Variants in EML4 observed in about 807,000 individuals in gnomAD.
EML4 encodes EMAP like 4.
Under a neutral mutation model 129.0 loss-of-function variants are expected in EML4, and 72 were observed. That is an observed-to-expected ratio of 0.56 (90% CI 0.46 to 0.68). The LOEUF is 0.68. Ranked by LOEUF, EML4 falls within the 30% of genes least tolerant of loss-of-function variation. EML4 has a pLI of 0.00. For missense variants in EML4, 1,363 were observed against 1,190.6 expected (o/e 1.14, Z -2.13); for synonymous variants, 532 against 405.0 (o/e 1.31, Z -3.77).
chr2:42,191,130 C>G (rs1407907483), intron 1 of EML4, among the ~76,000 whole-genome samples: 1 of 151,844 alleles, frequency 6.6e-6, no homozygotes, highest in Non-Finnish European at 1.5e-5. Context: ...AATAGTAAGC[C>G]CTGATAAACT....
chr2:42,275,879 C>T (rs1368577404), intron 6 of EML4, among the ~76,000 whole-genome samples: 5 of 152,076 alleles, frequency 3.3e-5, no homozygotes, highest in Non-Finnish European at 7.4e-5. Context: ...CTTTTCTGGA[C>T]CACCAGACTT....
Position 42,282,809 on chromosome 2 carries a change from C to CT in EML4, c.792-9dup. On this transcript the variant is annotated splice_polypyrimidine_tract_variant and intron_variant, in intron 7 of 22. Coordinates refer to ENST00000318522, the MANE Select transcript of EML4 (RefSeq NM_019063.5). Reference sequence around the variant, plus strand: ...ACTGTGTTTATTTAAAACCTTGACTCTTTTTCTGTTAAGATATGGTTATCG... The same window carrying CT: ...ACTGTGTTTATTTAAAACCTTGACTCTTTTTTCTGTTAAGATATGGTTATCG... The CT allele has an allele frequency of 6.2e-7, 1 of 1,606,910 alleles. No individual in the cohort carries two copies. Among genetic ancestry groups the CT allele is most frequent in the Non-Finnish European group, 8.5e-7 (1 of 1,177,056 alleles).
rs577473649 is a variant in EML4 at position 42,291,672 on chromosome 2, C to T, written c.1218+3350C>T. Among the ~76,000 whole-genome samples, 7 of 152,222 alleles carry T rather than the reference C, an allele frequency of 4.6e-5. 1 individual carries two copies. The highest frequency in any genetic ancestry group is 1.7e-4 in the African/African-American group (7 of 41,534). On this transcript the variant is annotated intron_variant, in intron 11 of 22. Coordinates refer to ENST00000318522, the MANE Select transcript of EML4 (RefSeq NM_019063.5). ...CCTCCCATCTCAGCCTCCCAAAGTG[C>T]TGGGATTACAGGTGTGAGCCACCAC...
At chr2:42,310,995 TAGA>T (rs1400630414) in intron 17 of EML4, among the ~76,000 whole-genome samples, 2 of 152,208 alleles carry the variant, frequency 1.3e-5, no homozygotes, top group African/African-American at 2.4e-5. Flanking sequence ...TTACCAAAAG[TAGA>T]AGAATTAGTG....
intron 22 of EML4, 148 bp downstream of exon 22, chr2:42,329,164 C>A: frequency 1.5e-6 from 1 of 684,644 alleles, no homozygotes; most frequent in Non-Finnish European, 2.3e-6. Context: ...GAGCATCCAT[C>A]CAGGCAGTGC....
Position 42,301,263 on chromosome 2 carries a change from A to C in EML4, c.1512A>C (p.Gln504His). 1 of 1,612,578 alleles carries C rather than the reference A, an allele frequency of 6.2e-7. No homozygotes were observed. The highest frequency in any genetic ancestry group is 8.5e-7 in the Non-Finnish European group (1 of 1,179,444). The change falls in exon 14 of 23, where the codon CAA (glutamine) becomes CAC (histidine). Residue 504 changes from glutamine to histidine, a missense_variant. Physicochemically the swap from Gln to His is conservative, Grantham distance 24. Coordinates refer to ENST00000318522, the MANE Select transcript of EML4 (RefSeq NM_019063.5). Reference protein sequence around the residue: ...GPKGVYQISKQIKAHDGSVFT... With the variant: ...GPKGVYQISKHIKAHDGSVFT... ...TAGGTGTATATCAAATCAGCAAACA[A>C]ATCAAAGCTCATGATGGCAGTGTGT...
At chr2:42,321,247 G>GT (rs1669505398) in intron 19 of EML4, among the ~76,000 whole-genome samples, 1 of 152,036 alleles carries the variant, frequency 6.6e-6, no homozygotes, top group East Asian at 1.9e-4. Context: ...GCCGGGCGTG[G>GT]TGGCGGGTGC....
intron 2 of EML4, among the ~76,000 whole-genome samples, chr2:42,247,664 T>C (rs1183682323): frequency 6.6e-6 from 1 of 151,542 alleles, no homozygotes; most frequent in African/African-American, 2.4e-5. Flanking sequence ...GCTTGCTTGA[T>C]TTATTTATTT....
chr2:42,241,565 ACT>A (rs548334074), intron 1 of EML4, among the ~76,000 whole-genome samples: 31 of 152,204 alleles, frequency 2.0e-4, no homozygotes, highest in Admixed American at 7.2e-4. Flanking sequence ...TCTTGTGTTT[ACT>A]CTTATCCTGT....
intron 2 of EML4, among the ~76,000 whole-genome samples, chr2:42,250,359 AT>A (rs1675689540): frequency 6.6e-6 from 1 of 152,158 alleles, no homozygotes. Flanking sequence ...TCCAAATAAC[AT>A]TTGGGAGGAT....
At chr2:42,293,272 T>G (rs1572704016) in intron 11 of EML4, among the ~76,000 whole-genome samples, 1 of 151,926 alleles carries the variant, frequency 6.6e-6, no homozygotes, top group Non-Finnish European at 1.5e-5. Flanking sequence ...CCACGCCGGC[T>G]AATTTACTTT....
chr2:42,320,766 T>A (rs889116914), intron 19 of EML4, among the ~76,000 whole-genome samples: 7 of 152,186 alleles, frequency 4.6e-5, no homozygotes, highest in African/African-American at 1.4e-4. Context: ...AGTGTCAACA[T>A]AATGGCTTTC....
intron 13 of EML4, among the ~76,000 whole-genome samples, chr2:42,299,100 A>ATTGATG (rs1374407445): frequency 1.3e-5 from 2 of 152,202 alleles, no homozygotes; most frequent in Non-Finnish European, 2.9e-5. Flanking sequence ...GATGATAAAT[A>ATTGATG]TTGATGTAAG....
chr2:42,252,787 C>T (rs1289240583), intron 2 of EML4, among the ~76,000 whole-genome samples: 2 of 151,996 alleles, frequency 1.3e-5, no homozygotes, highest in East Asian at 3.9e-4. Flanking sequence ...TCTTTAAGGC[C>T]TTATTCTGTG....
chr2:42,181,585 C>T (rs993553262), intron 1 of EML4, among the ~76,000 whole-genome samples: 4 of 152,106 alleles, frequency 2.6e-5, no homozygotes, highest in African/African-American at 4.8e-5. Context: ...TGTGAGCCAC[C>T]GCGCCTGGCC....
intron 6 of EML4, among the ~76,000 whole-genome samples, chr2:42,279,803 TTAA>T (rs1289063116): frequency 6.6e-6 from 1 of 151,608 alleles, no homozygotes; most frequent in East Asian, 1.9e-4. Context: ...ATTATTATTA[TTAA>T]TAGCCATCCG....
intron 2 of EML4, among the ~76,000 whole-genome samples, chr2:42,252,078 T>G (rs770807462): frequency 6.6e-6 from 1 of 152,222 alleles, no homozygotes; most frequent in South Asian, 2.1e-4. Context: ...TTGGGATAGA[T>G]GCAAGAATAA....
At chr2:42,186,833 T>A (rs1392008159) in intron 1 of EML4, among the ~76,000 whole-genome samples, 2 of 152,080 alleles carry the variant, frequency 1.3e-5, no homozygotes, top group Non-Finnish European at 2.9e-5. Context: ...TATAATAAAA[T>A]GACAATTTTA....
rs975478666 is a variant in EML4 at position 42,280,857 on chromosome 2, A to C, written c.675A>C (p.Glu225Asp). ...TGTCTTGTGTTTCAACAGAAGGAGA[A>C]TATATTAAAATGTTTATGCGCGGTC... ...HKDVIINQEG[E>D]YIKMFMRGRP... is the part of the protein sequence containing the mutation. Residue 225 changes from glutamate to aspartate, a missense_variant, in exon 7 of 23, where the codon GAA becomes GAC. Transcript: ENST00000318522. 1.2e-6 allele frequency: 2 copies of C among 1,606,902 alleles called. No homozygotes were observed. Among genetic ancestry groups the C allele is most frequent in the Non-Finnish European group, 1.7e-6 (2 of 1,177,452 alleles).
Sources: allele counts gnomAD v4.1 joint callset (sites outside exome capture counted in the v4.1 genomes callset), GRCh38; gene constraint gnomAD v4.1.1; transcripts MANE v1.5; gene names NCBI Gene and HGNC (gene_info 2026-07-23, HGNC 2026-07-21).